The following DYM variants were observed in gnomAD, a reference collection of about 807,000 sequenced individuals.
The protein encoded by DYM is dymeclin.
Under a neutral mutation model 93.1 loss-of-function variants are expected in DYM, and 78 were observed. The ratio of observed to expected loss-of-function variants is 0.84; its 90% CI spans 0.70 to 1.01. The LOEUF is 1.01. Among genes scored for constraint, DYM ranks in the 50% least tolerant of loss-of-function variants. The pLI, the probability that DYM is intolerant of heterozygous loss-of-function variation, is 0.00. For synonymous variants in DYM, 321 were observed against 319.7 expected (o/e 1.00, Z -0.04); for missense variants, 789 against 845.0 (o/e 0.93, Z 0.82).
At chr18:49,235,356 C>A (rs555355525) in intron 13 of DYM, among the ~76,000 whole-genome samples, 1 of 152,242 alleles carries the variant, frequency 6.6e-6, no homozygotes, top group East Asian at 1.9e-4. Context: ...GAACCTAAAT[C>A]TGACTGATAC....
At chr18:49,332,552 T>A (rs1599487596) in intron 7 of DYM, among the ~76,000 whole-genome samples, 1 of 152,164 alleles carries the variant, frequency 6.6e-6, no homozygotes, top group Admixed American at 6.5e-5. Context: ...AAAATAACAA[T>A]AGGACTACAC....
chr18:49,339,912 G>C (rs1328059468), intron 6 of DYM, among the ~76,000 whole-genome samples: 2 of 152,076 alleles, frequency 1.3e-5, no homozygotes, highest in Non-Finnish European at 1.5e-5. Context: ...GCCACACATG[G>C]AGCAGGTTTT....
chr18:49,145,107 T>TCACA (rs200335689), intron 15 of DYM, among the ~76,000 whole-genome samples: 4 of 31,286 alleles, frequency 1.3e-4, no homozygotes, highest in South Asian at 1.2e-3. Flanking sequence ...TCAAAAAAAT[T>TCACA]CATATATATA....
At chr18:49,397,555 A>T (rs2070258853) in intron 2 of DYM, among the ~76,000 whole-genome samples, 1 of 152,344 alleles carries the variant, frequency 6.6e-6, no homozygotes, top group Non-Finnish European at 1.5e-5. Context: ...CCAAATGGGC[A>T]ACTCTTTTGT....
At chr18:49,232,766 G>A (rs113210745) in intron 13 of DYM, among the ~76,000 whole-genome samples, 5 of 151,566 alleles carry the variant, frequency 3.3e-5, no homozygotes, top group Non-Finnish European at 2.9e-5. Context: ...GCGCCACCAC[G>A]CCTGGCTAAT....
intron 14 of DYM, among the ~76,000 whole-genome samples, chr18:49,195,656 A>G (rs1214856807): frequency 6.6e-6 from 1 of 152,162 alleles, no homozygotes; most frequent in Non-Finnish European, 1.5e-5. Flanking sequence ...ACCACAAGAA[A>G]AAGTTTTGTG....
chr18:49,128,699 A>T (rs2083077060), intron 15 of DYM, among the ~76,000 whole-genome samples: 1 of 152,208 alleles, frequency 6.6e-6, no homozygotes, highest in Admixed American at 6.5e-5. Flanking sequence ...AGTAAATTTT[A>T]TTAATATAAC....
intron 14 of DYM, among the ~76,000 whole-genome samples, chr18:49,198,670 A>T (rs1469083878): frequency 1.3e-5 from 2 of 151,112 alleles, no homozygotes; most frequent in South Asian, 4.2e-4. Flanking sequence ...AATCAAAACC[A>T]CAATGAGATA....
At chr18:49,132,349 CATT>C (rs1396946516) in intron 15 of DYM, among the ~76,000 whole-genome samples, 15 of 151,934 alleles carry the variant, frequency 9.9e-5, no homozygotes. Context: ...AAATTTTTTA[CATT>C]GACAACTTAA....
At chr18:49,328,188 C>T (rs761108716) in intron 8 of DYM, among the ~76,000 whole-genome samples, 1 of 152,080 alleles carries the variant, frequency 6.6e-6, no homozygotes, top group Admixed American at 6.6e-5. Flanking sequence ...ATTATATAAA[C>T]ATTAGTTCTC....
intron 15 of DYM, among the ~76,000 whole-genome samples, chr18:49,149,696 C>T (rs970126966): frequency 1.5e-5 from 2 of 133,768 alleles, no homozygotes; most frequent in Non-Finnish European, 3.1e-5. Context: ...AGCACCATTA[C>T]AAAGTGTTTT....
intron 13 of DYM, among the ~76,000 whole-genome samples, chr18:49,217,144 A>C (rs1374923604): frequency 6.6e-6 from 1 of 152,230 alleles, no homozygotes; most frequent in Admixed American, 6.5e-5. Context: ...AACTGGAAGA[A>C]AGGGTATCAG....
intron 8 of DYM, among the ~76,000 whole-genome samples, chr18:49,306,117 G>A (rs914461175): frequency 1.3e-5 from 2 of 152,158 alleles, no homozygotes; most frequent in Admixed American, 6.5e-5. Context: ...TACCCAAAAT[G>A]CAGATGGAAG....
At chr18:49,231,451 G>A (rs2093691700) in intron 13 of DYM, among the ~76,000 whole-genome samples, 1 of 152,190 alleles carries the variant, frequency 6.6e-6, no homozygotes, top group South Asian at 2.1e-4. Context: ...TTTGGGGGTA[G>A]ACCTCCCTTT....
intron 17 of DYM, among the ~76,000 whole-genome samples, chr18:49,076,911 C>CA (rs1308607285): frequency 1.3e-5 from 2 of 152,010 alleles, no homozygotes; most frequent in Admixed American, 6.5e-5. Flanking sequence ...TTCCTTTTTC[C>CA]AAAAAACCTG....
At chr18:49,248,454 A>G (rs1049536394) in intron 13 of DYM, among the ~76,000 whole-genome samples, 2 of 152,216 alleles carry the variant, frequency 1.3e-5, no homozygotes, top group Admixed American at 6.5e-5. Context: ...ACTCAAATGA[A>G]GTAGGTATGA....
At chr18:49,308,535 A>C (rs1234183820) in intron 8 of DYM, among the ~76,000 whole-genome samples, 2 of 152,152 alleles carry the variant, frequency 1.3e-5, no homozygotes, top group Non-Finnish European at 2.9e-5. Flanking sequence ...CCTTCGTGAG[A>C]ATTATATAAT....
chr18:49,082,758 T>G (rs190937444), intron 17 of DYM, among the ~76,000 whole-genome samples: 11 of 152,364 alleles, frequency 7.2e-5, no homozygotes, highest in Non-Finnish European at 1.5e-5. Flanking sequence ...TACTTATTCA[T>G]TTTTTAATGT....
chr18:49,445,922 T>C (rs1600331317), intron 1 of DYM, among the ~76,000 whole-genome samples: 1 of 152,306 alleles, frequency 6.6e-6, no homozygotes, highest in East Asian at 1.9e-4. Context: ...GTAGTCATAA[T>C]AATATAAAAG....
Sources: allele counts gnomAD v4.1 joint callset (sites outside exome capture counted in the v4.1 genomes callset), GRCh38; gene constraint gnomAD v4.1.1; transcripts MANE v1.5; gene names NCBI Gene and HGNC (gene_info 2026-07-23, HGNC 2026-07-21).